MACROD1: variants seen among roughly 807,000 people sequenced by gnomAD.
MACROD1 encodes ADP-ribose glycohydrolase MACROD1.
In MACROD1, 31 loss-of-function variants were observed where a neutral mutation model predicts 41.4. The ratio of observed to expected loss-of-function variants is 0.75; its 90% CI spans 0.56 to 1.01. The LOEUF (loss-of-function observed/expected upper bound fraction) is 1.01, where lower values mean the gene tolerates loss of function less well. MACROD1 is among the 50% of genes least tolerant of loss of function. The pLI, the probability that MACROD1 is intolerant of heterozygous loss-of-function variation, is 0.00. For synonymous variants in MACROD1, 252 were observed against 203.4 expected, an observed-to-expected ratio of 1.24 and a Z score of -2.03; for missense variants, 473 against 460.0, an observed-to-expected ratio of 1.03 and a Z score of -0.26.
At chr11:64,107,565 C>T (rs1285251317) in intron 3 of MACROD1, among the ~76,000 whole-genome samples, 1 of 152,254 alleles carries the variant, frequency 6.6e-6, no homozygotes, top group Non-Finnish European at 1.5e-5. Context: ...CCAGTGATAA[C>T]AGCTGATGCA....
At chr11:64,023,786 G>A (rs546626162) in intron 3 of MACROD1, among the ~76,000 whole-genome samples, 29 of 152,134 alleles carry the variant, frequency 1.9e-4, no homozygotes, top group African/African-American at 6.0e-4. Flanking sequence ...GTTTGCCCAC[G>A]TCCACTCCAC....
At position 64,146,946 on chromosome 11, in the gene MACROD1, TCA is replaced by T. The variant is rs1217567155; in HGVS notation, c.517+4291_517+4292del. On this transcript the variant is annotated intron_variant, in intron 3 of 10. Transcript: ENST00000255681. This position sits in a 1 kb window ranked among gnomAD's most constrained non-coding sequence, Gnocchi z 4.7. ...ACACACACAGGCCAAACTCCTGACCTCACACACACACCATCACACACATCCCA... is the reference window on the plus strand; with the variant it reads ...ACACACACAGGCCAAACTCCTGACCTCACACACACCATCACACACATCCCA... Among the ~76,000 whole-genome samples, 1 of 151,890 alleles carries T rather than the reference TCA, an allele frequency of 6.6e-6. No individual in the cohort carries two copies. Among genetic ancestry groups the T allele is most frequent in the East Asian group, 1.9e-4 (1 of 5,184 alleles).
At chr11:64,091,914 G>A (rs1001101177) in intron 3 of MACROD1, among the ~76,000 whole-genome samples, 9 of 152,182 alleles carry the variant, frequency 5.9e-5, no homozygotes, top group Admixed American at 2.6e-4. Context: ...TCTGTGTCCC[G>A]AGGCCTCTCT....
At chr11:64,113,845 T>G (rs905289889) in intron 3 of MACROD1, among the ~76,000 whole-genome samples, 14 of 143,948 alleles carry the variant, frequency 9.7e-5, no homozygotes, top group African/African-American at 3.7e-4. Flanking sequence ...GATGGATGGA[T>G]GGACAGCTGG....
In MACROD1 at chr11:64,058,595, C is replaced by T. The variant is rs575731149; in HGVS notation, c.518-43314G>A. 2.0e-5 allele frequency among the ~76,000 whole-genome samples: 3 copies of T among 152,354 alleles called. No homozygotes were observed. In the East Asian group the frequency reaches 5.8e-4, roughly 29 times the overall value. ...GGGGTGGTGGAGGAGCCGGCAGCTG[C>T]CGGGTGCAGCGGGCACGGCCCTGTA... On this transcript the variant is annotated intron_variant, in intron 3 of 10. Transcript: ENST00000255681.
rs115509551 is a variant in MACROD1, at chr11:64,016,470, G to A, written c.518-1189C>T. Among the ~76,000 whole-genome samples the A allele has an allele frequency of 1.3e-3, 201 of 152,344 alleles. 1 individual carries two copies. Among genetic ancestry groups the A allele is most frequent in the African/African-American group, 4.7e-3 (197 of 41,582 alleles). On this transcript the variant is annotated intron_variant, in intron 3 of 10. Transcript: ENST00000255681. ...CACAGCTTTGCTACCCACCCCATCT[G>A]CCCAGACCATTGCAGCCCTTTCTGT...
intron 3 of MACROD1, among the ~76,000 whole-genome samples, chr11:64,077,408 C>T (rs1281634986): frequency 6.6e-6 from 1 of 152,198 alleles, no homozygotes; most frequent in Non-Finnish European, 1.5e-5. Flanking sequence ...CCCTCCCCAG[C>T]TGTGCCCCGT....
rs907297488 is a variant in MACROD1, at chr11:64,153,082, G to A, written c.299-689C>T. On this transcript the variant is annotated intron_variant, in intron 1 of 10. Coordinates refer to ENST00000255681, the MANE Select transcript of MACROD1 (RefSeq NM_014067.4). ...GTGAGGAGCCAGGCACCCCCCACCC[G>A]CTCACAGACTCGGGGTCCACCCTGG... 4.6e-5 allele frequency among the ~76,000 whole-genome samples: 7 copies of A among 151,372 alleles called. No individual in the cohort carries two copies. The East Asian group carries it at 1.0e-3, about 22-fold the overall frequency.
chr11:64,071,331 C>T (rs1944103959), intron 3 of MACROD1, among the ~76,000 whole-genome samples: 1 of 152,110 alleles, frequency 6.6e-6, no homozygotes, highest in South Asian at 2.1e-4. Context: ...GGATCCCAGA[C>T]CTGCGGTCTC....
intron 3 of MACROD1, among the ~76,000 whole-genome samples, chr11:64,097,221 G>A (rs2701542): frequency 0.26 from 39,601 of 152,150 alleles, 5,690 homozygotes; most frequent in Admixed American, 0.35. Context: ...AGAAAGTACA[G>A]GGAGGGACTG....
At chr11:64,151,557 G>A (rs1461713856) in intron 2 of MACROD1, among the ~76,000 whole-genome samples, 1 of 152,204 alleles carries the variant, frequency 6.6e-6, no homozygotes, top group East Asian at 1.9e-4. Flanking sequence ...GGGACTCCTT[G>A]CATCTTCACA....
chr11:64,043,443 A>C (rs562661), intron 3 of MACROD1, among the ~76,000 whole-genome samples: 45,293 of 152,028 alleles, frequency 0.3, 7,610 homozygotes, highest in African/African-American at 0.45. Flanking sequence ...TGGACTCTAA[A>C]CGCCTGGTTG....
intron 3 of MACROD1, among the ~76,000 whole-genome samples, chr11:64,041,508 A>T (rs921373970): frequency 6.7e-6 from 1 of 149,962 alleles, no homozygotes; most frequent in Non-Finnish European, 1.5e-5. Context: ...GCTGCTCTGG[A>T]GGGTGTGTTG....
chr11:64,071,595 C>T (rs1433355144), intron 3 of MACROD1, among the ~76,000 whole-genome samples: 1 of 152,150 alleles, frequency 6.6e-6, no homozygotes, highest in African/African-American at 2.4e-5. Context: ...CCCAAATGAC[C>T]GCTCTTCCCA....
chr11:64,042,620 C>G (rs1166762135), intron 3 of MACROD1, among the ~76,000 whole-genome samples: 1 of 152,124 alleles, frequency 6.6e-6, no homozygotes, highest in Non-Finnish European at 1.5e-5. Flanking sequence ...CTTGGAAGCC[C>G]TTCCCTGCCT....
At chr11:64,048,661 T>C (rs1428350884) in intron 3 of MACROD1, among the ~76,000 whole-genome samples, 1 of 150,956 alleles carries the variant, frequency 6.6e-6, no homozygotes, top group Non-Finnish European at 1.5e-5. Flanking sequence ...ACCGATTCCT[T>C]AAAGCAGCCC....
chr11:64,018,397 T>C (rs1590804644), intron 3 of MACROD1, among the ~76,000 whole-genome samples: 1 of 152,166 alleles, frequency 6.6e-6, no homozygotes, highest in Non-Finnish European at 1.5e-5. Context: ...CCAAGCCACA[T>C]GGTTCCCCCA....
chr11:64,151,539 A>G (rs1218357025), intron 2 of MACROD1, among the ~76,000 whole-genome samples, 184 bp from the exon 3 acceptor site: 1 of 152,216 alleles, frequency 6.6e-6, no homozygotes, highest in Admixed American at 6.5e-5. Context: ...GCGTGCTAAA[A>G]TCACGCGGGG....
At position 64,148,124 on chromosome 11, in the gene MACROD1, G is replaced by A. The variant is rs534926244; in HGVS notation, c.517+3115C>T. 5.9e-5 allele frequency among the ~76,000 whole-genome samples: 9 copies of A among 152,128 alleles called. No homozygotes were observed. In the East Asian group the frequency reaches 1.4e-3, roughly 23 times the overall value. On this transcript the variant is annotated intron_variant, in intron 3 of 10. Coordinates refer to ENST00000255681, the MANE Select transcript of MACROD1 (RefSeq NM_014067.4). ...AAAGAGTGAGGGGGGCGGGCAGGGG[G>A]ACACCTGGCAACTGCCCTCTCCAAG...
Sources: allele counts gnomAD v4.1 joint callset (sites outside exome capture counted in the v4.1 genomes callset), GRCh38; gene constraint gnomAD v4.1.1; non-coding constraint Gnocchi (gnomAD v3.1); transcripts MANE v1.5; gene names NCBI Gene and HGNC (gene_info 2026-07-23, HGNC 2026-07-21).